Variants in CHST9 observed in about 807,000 individuals in gnomAD.
CHST9 encodes GalNAc-4-sulfotransferase 2.
CHST9 carries 41 observed loss-of-function variants against 44.4 expected under a neutral mutation model. The observed-to-expected ratio is 0.92, with a 90% CI of 0.72 to 1.20. The LOEUF (loss-of-function observed/expected upper bound fraction) is 1.20. CHST9 is among the 50% of genes most tolerant of loss of function. The probability of loss-of-function intolerance (pLI) is 0.00; values close to 1 mark genes in which losing one functional copy is unlikely to be tolerated. For missense variants in CHST9, 504 were observed against 516.5 expected (o/e 0.98, Z 0.23); for synonymous variants, 171 against 178.4 (o/e 0.96, Z 0.33).
chr18:26,939,221 A>G (rs1172744566), intron 5 of CHST9, among the ~76,000 whole-genome samples: 1 of 152,208 alleles, frequency 6.6e-6, no homozygotes, highest in Non-Finnish European at 1.5e-5. Flanking sequence ...ATTCTTGGCT[A>G]TGTGATAAAG....
chr18:27,130,994 AGG>A (rs2058466510), intron 2 of CHST9, among the ~76,000 whole-genome samples: 1 of 152,206 alleles, frequency 6.6e-6, no homozygotes, highest in African/African-American at 2.4e-5. Context: ...GCAAGAAAGA[AGG>A]TACGAAAATG....
chr18:27,127,123 A>C (rs778054639), intron 2 of CHST9, among the ~76,000 whole-genome samples: 3 of 152,200 alleles, frequency 2.0e-5, no homozygotes, highest in Non-Finnish European at 4.4e-5. Flanking sequence ...GAGACATTCA[A>C]GTATAGATGC....
chr18:27,150,154 C>T (rs1598759707), intron 1 of CHST9, among the ~76,000 whole-genome samples: 1 of 150,362 alleles, frequency 6.7e-6, no homozygotes, highest in Non-Finnish European at 1.5e-5. Flanking sequence ...CACTTCCTTC[C>T]TTATCAAACA....
chr18:27,087,443 T>C (rs56023263), intron 2 of CHST9, among the ~76,000 whole-genome samples: 10,293 of 152,172 alleles, frequency 0.068, 439 homozygotes, highest in East Asian at 0.14. Flanking sequence ...TTTTGGATGG[T>C]TTCCAACTGT....
At chr18:27,083,153 A>G (rs2057977089) in intron 2 of CHST9, among the ~76,000 whole-genome samples, 1 of 152,180 alleles carries the variant, frequency 6.6e-6, no homozygotes. Flanking sequence ...ATACAGGTAA[A>G]TACGCACACT....
At chr18:26,941,958 TG>T (rs958623992) in intron 5 of CHST9, among the ~76,000 whole-genome samples, 1 of 152,050 alleles carries the variant, frequency 6.6e-6, no homozygotes, top group African/African-American at 2.4e-5. Flanking sequence ...CTGCCTGATG[TG>T]GGGGGGAGAA....
chr18:27,005,453 T>C (rs905471216), intron 4 of CHST9, among the ~76,000 whole-genome samples: 4 of 152,168 alleles, frequency 2.6e-5, no homozygotes, highest in Admixed American at 2.6e-4. Context: ...GTGGGGATGA[T>C]ATTTACTTCA....
intron 4 of CHST9, among the ~76,000 whole-genome samples, chr18:26,946,478 A>G (rs1017305144): frequency 1.3e-5 from 2 of 152,200 alleles, no homozygotes; most frequent in African/African-American, 2.4e-5. Flanking sequence ...GAAACCCTGC[A>G]AAGAAGTCAG....
At chr18:26,981,069 T>A (rs1035266958) in intron 4 of CHST9, among the ~76,000 whole-genome samples, 4 of 152,218 alleles carry the variant, frequency 2.6e-5, no homozygotes, top group African/African-American at 9.6e-5. Context: ...CTTTTTCTTA[T>A]ATTCACATTC....
intron 1 of CHST9, among the ~76,000 whole-genome samples, chr18:27,155,798 TA>T (rs2058694553): frequency 1.3e-5 from 2 of 152,034 alleles, no homozygotes; most frequent in Admixed American, 1.3e-4. Context: ...GGCTCAGAAA[TA>T]GATACAATAA....
intron 1 of CHST9, among the ~76,000 whole-genome samples, chr18:27,148,518 T>C (rs1163626629): frequency 1.3e-5 from 2 of 149,108 alleles, no homozygotes; most frequent in Non-Finnish European, 3.0e-5. Flanking sequence ...TTTGGTTTTT[T>C]GTCCTTGTGA....
At chr18:27,101,523 T>C (rs936804680) in intron 2 of CHST9, among the ~76,000 whole-genome samples, 1 of 151,624 alleles carries the variant, frequency 6.6e-6, no homozygotes, top group Admixed American at 6.6e-5. Context: ...GGCCGGAGAA[T>C]GGAGTGAACC....
intron 2 of CHST9, among the ~76,000 whole-genome samples, chr18:27,130,311 T>C (rs1176278558): frequency 6.6e-6 from 1 of 152,198 alleles, no homozygotes; most frequent in Non-Finnish European, 1.5e-5. Flanking sequence ...ACCTAGTAAT[T>C]ATTTTAATCG....
chr18:26,982,821 T>C (rs1309485613), intron 4 of CHST9, among the ~76,000 whole-genome samples: 1 of 152,214 alleles, frequency 6.6e-6, no homozygotes, highest in African/African-American at 2.4e-5. Flanking sequence ...CACGTGATAG[T>C]TCTTCAACGA....
chr18:27,167,997 T>C (rs1434443190), intron 1 of CHST9, among the ~76,000 whole-genome samples: 1 of 151,908 alleles, frequency 6.6e-6, no homozygotes, highest in Non-Finnish European at 1.5e-5. Flanking sequence ...AAAAAGCCTA[T>C]CAAGGCCTTG....
chr18:26,948,225 C>G (rs992397976), intron 4 of CHST9, among the ~76,000 whole-genome samples: 58 of 152,110 alleles, frequency 3.8e-4, no homozygotes, highest in Non-Finnish European at 1.2e-4. Flanking sequence ...GGGAGGGGAA[C>G]ATCACACACT....
intron 1 of CHST9, among the ~76,000 whole-genome samples, chr18:27,174,196 T>C (rs2058851656): frequency 6.6e-6 from 1 of 151,952 alleles, no homozygotes; most frequent in African/African-American, 2.4e-5. Flanking sequence ...TCAAGAAGGA[T>C]GGATGTCTTG....
chr18:27,061,934 C>T (rs188461228), intron 2 of CHST9, among the ~76,000 whole-genome samples: 5 of 152,146 alleles, frequency 3.3e-5, no homozygotes, highest in African/African-American at 4.8e-5. Context: ...CAACCTTTGC[C>T]GACATAAAGG....
At chr18:27,181,879 A>C (rs1322055707) in intron 1 of CHST9, among the ~76,000 whole-genome samples, 1 of 152,190 alleles carries the variant, frequency 6.6e-6, no homozygotes, top group Non-Finnish European at 1.5e-5. Context: ...AGGTTTGCTC[A>C]CTTCTGCCAC....
Sources: allele counts gnomAD v4.1 joint callset (sites outside exome capture counted in the v4.1 genomes callset), GRCh38; gene constraint gnomAD v4.1.1; transcripts MANE v1.5; gene names NCBI Gene and HGNC (gene_info 2026-07-23, HGNC 2026-07-21).